Variants in HECW1 observed in about 807,000 individuals in gnomAD.
HECW1 encodes HECT, C2 and WW domain containing E3 ubiquitin protein ligase 1.
In HECW1, 61 loss-of-function variants were observed where a neutral mutation model predicts 182.3. The observed-to-expected ratio is 0.33, with a 90% CI of 0.27 to 0.41. HECW1 has a LOEUF of 0.41. HECW1 is among the 10% of genes least tolerant of loss of function. The pLI is 1.00. For missense variants in HECW1, 1,739 were observed against 2,108.9 expected (o/e 0.82, Z 3.44); for synonymous variants, 859 against 832.6 (o/e 1.03, Z -0.55).
intron 2 of HECW1, among the ~76,000 whole-genome samples, chr7:43,198,500 A>G: frequency 6.8e-6 from 1 of 147,924 alleles, no homozygotes; most frequent in South Asian, 2.2e-4. Context: ...CCTACACTCA[A>G]ACACCATAGT....
At position 43,492,174 on chromosome 7, in the gene HECW1, C is replaced by A; in HGVS notation, c.3334C>A (p.Pro1112Thr). Residue 1112 changes from proline (P) to threonine (T), a missense_variant, in exon 18 of 30, where the codon CCA (proline) becomes ACA (threonine). Transcript: ENST00000395891. ...AAGCCAACATCAACATGAGTCATTG[C>A]CACTGGGTATGTATCATGCTTGTTT... ...IRSQHQHESLPLAYNDKIVAF... is the reference protein window; with the variant it reads ...IRSQHQHESLTLAYNDKIVAF... 1 of 1,597,726 alleles carries A rather than the reference C, an allele frequency of 6.3e-7. No homozygotes were observed. The highest frequency in any genetic ancestry group is 8.5e-7 in the Non-Finnish European group (1 of 1,172,726).
At chr7:43,506,528 A>G (rs2079582229) in intron 21 of HECW1, among the ~76,000 whole-genome samples, 2 of 152,206 alleles carry the variant, frequency 1.3e-5, no homozygotes, top group South Asian at 4.1e-4. Flanking sequence ...TATAAAAGTC[A>G]CTGAGAGAGT....
intron 26 of HECW1, among the ~76,000 whole-genome samples, chr7:43,550,074 C>T (rs1223676716): frequency 2.0e-5 from 3 of 151,476 alleles, no homozygotes; most frequent in African/African-American, 7.3e-5. Context: ...GAGTTCAAGA[C>T]TAGCCTGGGC....
chr7:43,177,038 TGA>T (rs1278211515), intron 2 of HECW1, among the ~76,000 whole-genome samples: 1 of 152,236 alleles, frequency 6.6e-6, no homozygotes, highest in African/African-American at 2.4e-5. Context: ...CATTATAGTT[TGA>T]GAACTACTCC....
At chr7:43,520,463 A>C (rs55835328) in intron 24 of HECW1, among the ~76,000 whole-genome samples, 62,727 of 151,780 alleles carry the variant, frequency 0.41, 14,694 homozygotes, top group Middle Eastern at 0.61. Context: ...TGCTGCCCAT[A>C]TGTGCGCGAT....
chr7:43,416,967 A>G (rs2076028690), intron 8 of HECW1, among the ~76,000 whole-genome samples: 1 of 152,116 alleles, frequency 6.6e-6, no homozygotes, highest in African/African-American at 2.4e-5. Context: ...CTCAGATGGA[A>G]ATGCAGAAAT....
intron 10 of HECW1, among the ~76,000 whole-genome samples, chr7:43,443,283 C>G (rs1289140785): frequency 6.6e-6 from 1 of 152,178 alleles, no homozygotes; most frequent in African/African-American, 2.4e-5. Context: ...GCTGTTAAGT[C>G]TAATGAAGCT....
intron 7 of HECW1, 121 bp from the exon 8 acceptor site, chr7:43,407,441 A>C: frequency 1.5e-6 from 1 of 683,162 alleles, no homozygotes. Flanking sequence ...TACCTGCCTG[A>C]GTAACACTAG....
chr7:43,283,648 A>G (rs1804219092), intron 3 of HECW1, among the ~76,000 whole-genome samples: 1 of 152,172 alleles, frequency 6.6e-6, no homozygotes, highest in African/African-American at 2.4e-5. Context: ...CTGAAACCAA[A>G]ACGTTTACCA....
intron 16 of HECW1, among the ~76,000 whole-genome samples, chr7:43,470,036 A>G (rs1386763293): frequency 6.6e-6 from 1 of 152,194 alleles, no homozygotes; most frequent in Non-Finnish European, 1.5e-5. Flanking sequence ...GGGACTCATT[A>G]CAAGTCCATT....
chr7:43,217,090 C>T (rs769125845), intron 2 of HECW1, among the ~76,000 whole-genome samples: 12 of 150,064 alleles, frequency 8.0e-5, no homozygotes, highest in Non-Finnish European at 1.5e-4. Flanking sequence ...ATCACACTCT[C>T]CTGTTTGTGT....
chr7:43,543,920 G>T (rs1194268953), intron 26 of HECW1, among the ~76,000 whole-genome samples: 1 of 152,106 alleles, frequency 6.6e-6, no homozygotes, highest in Non-Finnish European at 1.5e-5. Flanking sequence ...TATTGTAGAG[G>T]GTAAGTTTGT....
chr7:43,374,773 CAAAAAAAA>C (rs66910107), intron 6 of HECW1, among the ~76,000 whole-genome samples: 1 of 14,496 alleles, frequency 6.9e-5, no homozygotes, highest in Non-Finnish European at 9.1e-5. Flanking sequence ...GACTCCGTCT[CAAAAAAAA>C]AAAAAAAAAA....
rs137958269 is a variant in HECW1 at position 43,283,640 on chromosome 7, G to A, written c.28-28123G>A. Among the ~76,000 whole-genome samples, 416 of 152,244 alleles carry A rather than the reference G, an allele frequency of 2.7e-3. 3 individuals are homozygous for A. Among genetic ancestry groups the A allele is most frequent in the African/African-American group, 9.3e-3 (387 of 41,528 alleles). On this transcript the variant is annotated intron_variant, in intron 3 of 29. Transcript: ENST00000395891. ...ATATTCAAGATTGTTGGTCAGTCCT[G>A]AAACCAAAACGTTTACCAAGCACTG...
intron 5 of HECW1, among the ~76,000 whole-genome samples, chr7:43,358,433 G>A (rs919129495): frequency 6.6e-6 from 1 of 152,128 alleles, no homozygotes; most frequent in African/African-American, 2.4e-5. Flanking sequence ...CAACAGACAT[G>A]TGAAAGAACT....
intron 8 of HECW1, among the ~76,000 whole-genome samples, chr7:43,431,145 A>T (rs1358507880): frequency 6.6e-6 from 1 of 152,174 alleles, no homozygotes; most frequent in Non-Finnish European, 1.5e-5. Flanking sequence ...TGAATGACTC[A>T]TAGTTTCCTT....
intron 2 of HECW1, among the ~76,000 whole-genome samples, chr7:43,181,534 T>C (rs1583850591): frequency 6.6e-6 from 1 of 151,090 alleles, no homozygotes; most frequent in South Asian, 2.1e-4. Flanking sequence ...TAATAGCCAT[T>C]CTAACTGGAG....
At chr7:43,440,032 A>C (rs1244617820) in intron 9 of HECW1, 1 of 152,364 alleles carries the variant, frequency 6.6e-6, no homozygotes, top group Non-Finnish European at 1.5e-5. Context: ...CTGCTTCCAC[A>C]GCCCCTGGGG....
chr7:43,280,297 G>A (rs541665086), intron 3 of HECW1, among the ~76,000 whole-genome samples: 47 of 152,228 alleles, frequency 3.1e-4, no homozygotes, highest in Middle Eastern at 3.4e-3. Context: ...ATGGAGTGGC[G>A]ATTCCACCAC....
Sources: gnomAD v4.1 joint callset for allele counts (sites outside exome capture counted in the v4.1 genomes callset) on GRCh38, gnomAD v4.1.1 for gene constraint, MANE v1.5 for transcripts, NCBI Gene and HGNC (gene_info 2026-07-23, HGNC 2026-07-21) for gene names.